The following PARL variants were observed in gnomAD, a reference collection of about 807,000 sequenced individuals.
The protein encoded by PARL is presenilin associated rhomboid like, also known as presenilin-associated rhomboid-like protein, mitochondrial.
Under a neutral mutation model 51.6 loss-of-function variants are expected in PARL, and 44 were observed. The ratio of observed to expected loss-of-function variants is 0.85; its 90% CI spans 0.67 to 1.10. PARL has a LOEUF of 1.10. PARL is among the 50% of genes least tolerant of loss of function. The probability of loss-of-function intolerance (pLI) is 0.00; values close to 1 mark genes in which losing one functional copy is unlikely to be tolerated. For synonymous variants in PARL, 172 were observed against 164.0 expected (o/e 1.05, Z -0.37); for missense variants, 441 against 469.5 (o/e 0.94, Z 0.56).
chr3:183,874,230 G>T (rs1307165790), intron 1 of PARL, among the ~76,000 whole-genome samples: 1 of 151,988 alleles, frequency 6.6e-6, no homozygotes, highest in Non-Finnish European at 1.5e-5. Context: ...TAATAATGTT[G>T]TGTAGGTTCT....
chr3:183,847,277 G>C (rs1052672333), intron 4 of PARL, among the ~76,000 whole-genome samples: 2 of 152,174 alleles, frequency 1.3e-5, no homozygotes, highest in African/African-American at 2.4e-5. Flanking sequence ...GGGTTGAACG[G>C]GCCGGGTGTG....
chr3:183,828,434 C>T (rs116418968), downstream of PARL, among the ~76,000 whole-genome samples: 4 of 152,208 alleles, frequency 2.6e-5, no homozygotes, highest in South Asian at 4.1e-4. Flanking sequence ...GCCGTTTCCT[C>T]GCTGGCAAAA....
intron 7 of PARL, among the ~76,000 whole-genome samples, chr3:183,838,962 G>A (rs549962850): frequency 3.3e-5 from 5 of 152,268 alleles, no homozygotes; most frequent in South Asian, 4.1e-4. Context: ...AGCTAAATTC[G>A]AATTCTGAGT....
intron 4 of PARL, among the ~76,000 whole-genome samples, chr3:183,850,539 A>G (rs1435975208): frequency 6.6e-6 from 1 of 152,222 alleles, no homozygotes; most frequent in African/African-American, 2.4e-5. Flanking sequence ...ATTTTGGGGA[A>G]GCACACTATT....
At chr3:183,847,691 C>T (rs538287753) in intron 4 of PARL, among the ~76,000 whole-genome samples, 1 of 152,244 alleles carries the variant, frequency 6.6e-6, no homozygotes, top group Non-Finnish European at 1.5e-5. Context: ...AGAGAATGGC[C>T]TTTTCAAGTC....
chr3:183,868,386 C>T lies in PARL; in HGVS notation c.126-326G>A, dbSNP rs74286208. Reference sequence around the variant, plus strand: ...AAGCTAGAGAACTCTATAAATTGTCCGTTTCTTTTTTTTTTTTTGAGACAG... The same window carrying T: ...AAGCTAGAGAACTCTATAAATTGTCTGTTTCTTTTTTTTTTTTTGAGACAG... On this transcript the variant is annotated intron_variant, in intron 1 of 9. Transcript: ENST00000317096. Among the ~76,000 whole-genome samples, 1,724 of 151,922 alleles carry T rather than the reference C, an allele frequency of 0.011. 125 individuals carry two copies. In the East Asian group the frequency reaches 0.18, roughly 16 times the overall value.
intron 1 of PARL, among the ~76,000 whole-genome samples, chr3:183,868,513 C>T (rs545111345): frequency 5.3e-5 from 8 of 152,074 alleles, no homozygotes; most frequent in East Asian, 3.9e-4. Context: ...CAGGCTCAAG[C>T]GATCCTCCTG....
chr3:183,876,354 C>T (rs1733802641), intron 1 of PARL, among the ~76,000 whole-genome samples: 1 of 151,872 alleles, frequency 6.6e-6, no homozygotes. Context: ...AACGGTTTAC[C>T]AAATATTTTA....
chr3:183,846,440 C>T, intron 4 of PARL: 1 of 779,660 alleles, frequency 1.3e-6, no homozygotes, highest in South Asian at 5.8e-5. Flanking sequence ...TTGAGGTGAG[C>T]CGAGATCACG....
chr3:183,878,227 G>A (rs1206734714), intron 1 of PARL, among the ~76,000 whole-genome samples: 3 of 152,126 alleles, frequency 2.0e-5, no homozygotes, highest in African/African-American at 7.2e-5. Context: ...TCTAGCGGGG[G>A]CTTCTACCAT....
rs1169436451 is a variant in PARL, at chr3:183,833,781, G to C, written c.873C>G (p.Ile291Met). The C allele has an allele frequency of 6.2e-7, 1 of 1,613,552 alleles. No homozygotes were observed. ...AAATAATGGCAAGCCTCCCTTCTGG[G>C]ATCTTAGTGCAGACAGCTGCGAGGA... ...MTVLAAVCTK[I>M]PEGRLAIIFL... is the part of the protein sequence containing the mutation. The change falls in exon 8 of 10, where the codon ATC becomes ATG. Residue 291 changes from isoleucine to methionine, a missense_variant. Transcript: ENST00000317096.
chr3:183,845,403 A>G (rs1031929513), intron 4 of PARL, among the ~76,000 whole-genome samples: 9 of 152,256 alleles, frequency 5.9e-5, no homozygotes, highest in Admixed American at 3.9e-4. Flanking sequence ...TTCCATTTTA[A>G]TATCTGAAAT....
chr3:183,870,471 T>C (rs1467623372), intron 1 of PARL, among the ~76,000 whole-genome samples: 2 of 151,898 alleles, frequency 1.3e-5, no homozygotes, highest in South Asian at 2.1e-4. Context: ...ACACTGCTTT[T>C]CCTCCACATT....
chr3:183,876,124 A>G (rs1180084628), intron 1 of PARL, among the ~76,000 whole-genome samples: 1 of 152,094 alleles, frequency 6.6e-6, no homozygotes, highest in Non-Finnish European at 1.5e-5. Context: ...TCAGCTCACT[A>G]CAACCTCCGC....
chr3:183,834,015 G>A (rs758557213), intron 7 of PARL, among the ~76,000 whole-genome samples, 190 bp from the exon 8 acceptor site: 3 of 152,196 alleles, frequency 2.0e-5, no homozygotes, highest in Admixed American at 6.5e-5. Context: ...CCTTCACACA[G>A]TAATCGCTTG....
chr3:183,882,242 TATTTA>T, intron 1 of PARL, among the ~76,000 whole-genome samples: 1 of 20,970 alleles, frequency 4.8e-5, no homozygotes, highest in Middle Eastern at 0.029. Flanking sequence ...TATATATATA[TATTTA>T]TATATATATA....
intron 4 of PARL, among the ~76,000 whole-genome samples, chr3:183,858,932 C>A (rs540855488): frequency 3.9e-4 from 58 of 149,206 alleles, no homozygotes; most frequent in South Asian, 1.1e-3. Context: ...CCAAACAAAC[C>A]AAAAAAAAAG....
chr3:183,876,610 TAAAAAAAAAAAAAAAAAAAAAA>T (rs576376716), intron 1 of PARL, among the ~76,000 whole-genome samples: 19 of 91,830 alleles, frequency 2.1e-4, no homozygotes, highest in African/African-American at 8.9e-4. Context: ...ATACATTTTG[TAAAAAAAAAAAAAAAAAAAAAA>T]AAAAAAGAAA....
chr3:183,867,644 G>A (rs1303443051), intron 2 of PARL, among the ~76,000 whole-genome samples: 2 of 151,270 alleles, frequency 1.3e-5, no homozygotes, highest in Non-Finnish European at 2.9e-5. Flanking sequence ...AGCTTGCAGT[G>A]AGCCGAGATC....
Sources: gnomAD v4.1 joint callset for allele counts (sites outside exome capture counted in the v4.1 genomes callset) on GRCh38, gnomAD v4.1.1 for gene constraint, MANE v1.5 for transcripts, NCBI Gene and HGNC (gene_info 2026-07-23, HGNC 2026-07-21) for gene names.